The following GRM7 variants were observed in gnomAD, a reference collection of about 807,000 sequenced individuals.
GRM7 encodes metabotropic glutamate receptor 7.
In GRM7, 35 loss-of-function variants were observed where a neutral mutation model predicts 84.5. The ratio of observed to expected loss-of-function variants is 0.41; its 90% CI spans 0.32 to 0.55. The LOEUF is 0.55. Ranked by LOEUF, GRM7 falls within the 20% of genes least tolerant of loss-of-function variation. The probability of loss-of-function intolerance (pLI) is 0.19; values close to 1 mark genes in which losing one functional copy is unlikely to be tolerated. For synonymous variants in GRM7, 487 were observed against 455.1 expected (o/e 1.07, Z -0.89); for missense variants, 1,003 against 1,194.6 (o/e 0.84, Z 2.36).
intron 9 of GRM7, among the ~76,000 whole-genome samples, chr3:7,730,248 C>T (rs376451368): frequency 2.0e-5 from 3 of 151,010 alleles, no homozygotes; most frequent in Non-Finnish European, 4.4e-5. Flanking sequence ...CCTTGTGATC[C>T]GCCCACCTTG....
intron 1 of GRM7, among the ~76,000 whole-genome samples, chr3:6,869,819 T>C (rs1249071949): frequency 6.6e-6 from 1 of 152,196 alleles, no homozygotes; most frequent in African/African-American, 2.4e-5. Flanking sequence ...CTGGCAGCCT[T>C]GAGCTTGAAT....
At chr3:6,971,506 T>G (rs1396827432) in intron 1 of GRM7, among the ~76,000 whole-genome samples, 1 of 152,146 alleles carries the variant, frequency 6.6e-6, no homozygotes, top group Non-Finnish European at 1.5e-5. Context: ...AAGAAACGGA[T>G]ATTTCTAGAT....
intron 9 of GRM7, among the ~76,000 whole-genome samples, chr3:7,699,441 A>T (rs1575647902): frequency 6.6e-6 from 1 of 152,208 alleles, no homozygotes; most frequent in Non-Finnish European, 1.5e-5. Flanking sequence ...TAATCAGGAA[A>T]GGAAAAGCCT....
chr3:6,915,073 T>TA (rs1696896844), intron 1 of GRM7, among the ~76,000 whole-genome samples: 1 of 152,202 alleles, frequency 6.6e-6, no homozygotes, highest in South Asian at 2.1e-4. Context: ...ACTTAGGACT[T>TA]ACTGCTCCAG....
rs766435375 is a variant in GRM7, at chr3:7,486,015, C to G, written c.1515+24293C>G. ...GTAAGGGCACATATATAAACAAATA[C>G]AGTAAATGTGTATTTATTTACATAC... On this transcript the variant is annotated intron_variant, in intron 7 of 9. Transcript: ENST00000357716. The surrounding 1 kb of genome is among the most constrained non-coding windows in gnomAD (Gnocchi z 5.5). 2.0e-5 allele frequency among the ~76,000 whole-genome samples: 3 copies of G among 152,064 alleles called. No homozygotes were observed. The highest frequency in any genetic ancestry group is 4.4e-5 in the Non-Finnish European group (3 of 68,004).
At chr3:7,459,236 G>A (rs536407959) in intron 6 of GRM7, among the ~76,000 whole-genome samples, 3 of 152,164 alleles carry the variant, frequency 2.0e-5, no homozygotes, top group African/African-American at 7.2e-5. Context: ...CAGGAGATCG[G>A]TGTCCACTCC....
chr3:7,515,819 C>A (rs1180937888), intron 7 of GRM7, among the ~76,000 whole-genome samples: 5 of 151,918 alleles, frequency 3.3e-5, no homozygotes, highest in African/African-American at 4.8e-5. Context: ...AACTAGGGGA[C>A]AATGACTTTT....
At chr3:7,030,534 C>A (rs1696150246) in intron 1 of GRM7, among the ~76,000 whole-genome samples, 1 of 152,258 alleles carries the variant, frequency 6.6e-6, no homozygotes, top group Admixed American at 6.5e-5. Context: ...TGACACAGTA[C>A]CAATGCAACA....
intron 7 of GRM7, among the ~76,000 whole-genome samples, chr3:7,570,941 C>T (rs1694622512): frequency 6.6e-6 from 1 of 152,202 alleles, no homozygotes; most frequent in Non-Finnish European, 1.5e-5. Flanking sequence ...AGGCTCAATA[C>T]TCCATGGAAG....
intron 1 of GRM7, among the ~76,000 whole-genome samples, chr3:7,022,914 G>A (rs559649262): frequency 1.3e-5 from 2 of 152,262 alleles, no homozygotes; most frequent in East Asian, 1.9e-4. Flanking sequence ...AGTAGTCAGA[G>A]TAATTATCCA....
chr3:7,456,182 A>T (rs932306678), intron 6 of GRM7, among the ~76,000 whole-genome samples: 19 of 152,044 alleles, frequency 1.2e-4, no homozygotes, highest in East Asian at 3.9e-4. Context: ...GTTCATGGAT[A>T]TGTATGAACA....
At chr3:7,523,179 C>T (rs866688953) in intron 7 of GRM7, among the ~76,000 whole-genome samples, 30 of 152,196 alleles carry the variant, frequency 2.0e-4, no homozygotes, top group African/African-American at 6.5e-4. Context: ...TCCAACTTAC[C>T]GCATTCTTAT....
chr3:7,485,220 G>T (rs1389420270), intron 7 of GRM7, among the ~76,000 whole-genome samples: 3 of 152,188 alleles, frequency 2.0e-5, no homozygotes, highest in African/African-American at 7.2e-5. Context: ...GAAGATAAGT[G>T]CTTGTTGAGT....
At chr3:7,240,791 G>A (rs1387279460) in intron 2 of GRM7, among the ~76,000 whole-genome samples, 2 of 152,114 alleles carry the variant, frequency 1.3e-5, no homozygotes. Context: ...GCATAACAAT[G>A]TTTCAGTCAT....
At chr3:7,057,447 A>G (rs904911607) in intron 1 of GRM7, among the ~76,000 whole-genome samples, 4 of 151,854 alleles carry the variant, frequency 2.6e-5, no homozygotes, top group African/African-American at 9.7e-5. Context: ...ATGTTATTTT[A>G]CTTTTTTATA....
At chr3:7,140,180 G>A (rs779908684) in intron 1 of GRM7, among the ~76,000 whole-genome samples, 20 of 151,778 alleles carry the variant, frequency 1.3e-4, no homozygotes, top group Admixed American at 3.9e-4. Flanking sequence ...TGTAGAGAAG[G>A]TCCCCCTTGA....
At chr3:7,563,268 G>A (rs1145141) in intron 7 of GRM7, among the ~76,000 whole-genome samples, 18,626 of 152,098 alleles carry the variant, frequency 0.12, 1,429 homozygotes, top group Admixed American at 0.15. Flanking sequence ...AGGCTCAAGC[G>A]CAAAAGAAGA....
chr3:7,405,562 A>T (rs538498725), intron 4 of GRM7, among the ~76,000 whole-genome samples: 50 of 152,210 alleles, frequency 3.3e-4, no homozygotes, highest in African/African-American at 1.2e-3. Flanking sequence ...CCTACTTCGG[A>T]TAGTTATAAA....
intron 5 of GRM7, among the ~76,000 whole-genome samples, chr3:7,452,221 A>G (rs1344179513): frequency 1.3e-5 from 2 of 151,474 alleles, no homozygotes; most frequent in African/African-American, 4.9e-5. Flanking sequence ...GAAAGTAATG[A>G]ATTCAGGTGT....
Sources: allele counts gnomAD v4.1 joint callset (sites outside exome capture counted in the v4.1 genomes callset), GRCh38; gene constraint gnomAD v4.1.1; non-coding constraint Gnocchi (gnomAD v3.1); transcripts MANE v1.5; gene names NCBI Gene and HGNC (gene_info 2026-07-23, HGNC 2026-07-21).